The following SPATA16 variants were observed in gnomAD, a reference collection of about 807,000 sequenced individuals.
SPATA16 encodes the protein spermatogenesis associated 16.
In SPATA16, 36 loss-of-function variants were observed where a neutral mutation model predicts 63.3. The ratio of observed to expected loss-of-function variants is 0.57; its 90% CI spans 0.44 to 0.75. SPATA16 has a LOEUF of 0.75. Ranked by LOEUF, SPATA16 falls within the 30% of genes least tolerant of loss-of-function variation. The pLI is 0.00. For synonymous variants in SPATA16, 203 were observed against 216.7 expected (o/e 0.94, Z 0.56); for missense variants, 646 against 679.3 (o/e 0.95, Z 0.54).
At chr3:173,124,815 G>A (rs1351971657) in intron 1 of SPATA16, among the ~76,000 whole-genome samples, 2 of 151,724 alleles carry the variant, frequency 1.3e-5, no homozygotes, top group Non-Finnish European at 2.9e-5. Flanking sequence ...ATCCTGGATT[G>A]GCTGTTCCTT....
At position 172,929,415 on chromosome 3, in the gene SPATA16, T is replaced by C. The variant is rs1051050825; in HGVS notation, c.1082-3923A>G. Among the ~76,000 whole-genome samples, 17 of 152,302 alleles carry C rather than the reference T, an allele frequency of 1.1e-4. No individual in the cohort carries two copies. The East Asian group carries it at 3.3e-3, about 29-fold the overall frequency. The stretch of plus-strand genomic sequence containing the variant: ...ACTTTCACTGAAAGAGGTAAACAGT[T>C]TTCCCTTCTTCAGAAATATTTTATT... On this transcript the variant is annotated intron_variant, in intron 6 of 10. Transcript: ENST00000351008.
chr3:173,082,140 T>C (rs997473034), intron 2 of SPATA16, among the ~76,000 whole-genome samples: 6 of 152,146 alleles, frequency 3.9e-5, no homozygotes, highest in African/African-American at 4.8e-5. Context: ...CATAGCACCT[T>C]GTACCAGGCG....
chr3:172,917,369 C>T (rs1732516906), intron 8 of SPATA16, among the ~76,000 whole-genome samples: 1 of 152,182 alleles, frequency 6.6e-6, no homozygotes, highest in Non-Finnish European at 1.5e-5. Context: ...TGAGTTTCTG[C>T]TGCATTTAGA....
rs980239487 is a variant in SPATA16 at position 173,069,026 on chromosome 3, C to G, written c.613-19932G>C. ...TCGGGAGGCTGAGGCAGGAGAATGG[C>G]GTGAACCCGGGAGGCGGAGCTTGCA... On this transcript the variant is annotated intron_variant, in intron 2 of 10. Coordinates refer to ENST00000351008, the MANE Select transcript of SPATA16 (RefSeq NM_031955.6). 1.9e-4 allele frequency among the ~76,000 whole-genome samples: 28 copies of G among 149,654 alleles called. 1 individual carries two copies. Among genetic ancestry groups the G allele is most frequent in the African/African-American group, 5.2e-4 (21 of 40,376 alleles).
At chr3:173,107,808 C>G (rs940947015) in intron 2 of SPATA16, among the ~76,000 whole-genome samples, 5 of 152,030 alleles carry the variant, frequency 3.3e-5, no homozygotes, top group African/African-American at 1.2e-4. Flanking sequence ...GTTTTTAAGT[C>G]TATTTGGTTT....
intron 2 of SPATA16, among the ~76,000 whole-genome samples, chr3:173,084,260 A>G (rs1430506723): frequency 2.6e-5 from 4 of 152,070 alleles, no homozygotes; most frequent in Non-Finnish European, 4.4e-5. Flanking sequence ...GCATTTCTCT[A>G]ATGATCAGCG....
intron 2 of SPATA16, among the ~76,000 whole-genome samples, chr3:173,090,760 A>G (rs1454542268): frequency 4.6e-5 from 7 of 152,220 alleles, no homozygotes; most frequent in Non-Finnish European, 1.0e-4. Flanking sequence ...TCAAATGGAT[A>G]CATTTAACAT....
rs146929550 is a variant in SPATA16 at position 173,081,046 on chromosome 3, G to A, written c.613-31952C>T. 2.3e-3 allele frequency among the ~76,000 whole-genome samples: 352 copies of A among 152,200 alleles called. 4 individuals carry two copies. Among genetic ancestry groups the A allele is most frequent in the African/African-American group, 7.8e-3 (323 of 41,530 alleles). On this transcript the variant is annotated intron_variant, in intron 2 of 10. Transcript: ENST00000351008. ...CCCAAACTGCTGCTTCATAAAGATG[G>A]CCTGTCTCTCCCTGGGCATTGTTTA...
intron 5 of SPATA16, among the ~76,000 whole-genome samples, chr3:172,965,128 A>G (rs969411391): frequency 9.2e-5 from 14 of 152,244 alleles, no homozygotes; most frequent in African/African-American, 3.4e-4. Flanking sequence ...TGCTAAAACA[A>G]TGCTGGAAAG....
intron 2 of SPATA16, among the ~76,000 whole-genome samples, chr3:173,082,980 A>G (rs1002124245): frequency 1.3e-5 from 2 of 152,124 alleles, no homozygotes; most frequent in Non-Finnish European, 2.9e-5. Context: ...TCAATTAGGT[A>G]TTTATAAATA....
At chr3:172,986,072 G>A (rs570062002) in intron 4 of SPATA16, among the ~76,000 whole-genome samples, 1 of 152,254 alleles carries the variant, frequency 6.6e-6, no homozygotes, top group South Asian at 2.1e-4. Context: ...TGGCTATATT[G>A]GGAACAATCC....
rs1402820606 is a variant in SPATA16, at chr3:172,912,451, G to GT, written c.1587+1209_1587+1210insA. ...CATATTTGCTGACAGTCAGTTTCTGGGTTTTTTTGTACATACAGTGGACTC... is the reference window on the plus strand; with the variant it reads ...CATATTTGCTGACAGTCAGTTTCTGGTGTTTTTTTGTACATACAGTGGACTC... On this transcript the variant is annotated intron_variant, in intron 10 of 10. Coordinates refer to ENST00000351008, the MANE Select transcript of SPATA16 (RefSeq NM_031955.6). 6.6e-5 allele frequency among the ~76,000 whole-genome samples: 10 copies of GT among 151,970 alleles called. No homozygotes were observed. The South Asian group carries it at 1.5e-3, about 22-fold the overall frequency.
intron 6 of SPATA16, among the ~76,000 whole-genome samples, chr3:172,945,125 T>C (rs1412313964): frequency 6.6e-6 from 1 of 152,226 alleles, no homozygotes; most frequent in African/African-American, 2.4e-5. Context: ...GTTTTATTTC[T>C]CAAATAAGAT....
chr3:172,974,126 G>A (rs1258915341), intron 5 of SPATA16, among the ~76,000 whole-genome samples: 1 of 152,062 alleles, frequency 6.6e-6, no homozygotes, highest in Non-Finnish European at 1.5e-5. Flanking sequence ...CAAAGCAAAG[G>A]TCCATTCTTC....
chr3:173,082,645 G>T (rs995629710), intron 2 of SPATA16, among the ~76,000 whole-genome samples: 2 of 152,206 alleles, frequency 1.3e-5, no homozygotes, highest in African/African-American at 4.8e-5. Flanking sequence ...GCCCCCAGAG[G>T]TGGGTCTAAT....
At chr3:173,026,257 C>T (rs950413818) in intron 3 of SPATA16, among the ~76,000 whole-genome samples, 12 of 151,860 alleles carry the variant, frequency 7.9e-5, no homozygotes, top group African/African-American at 2.9e-4. Context: ...TCTTGTTAAT[C>T]TTTTGCCATT....
At chr3:173,004,778 CTA>C (rs1400060717) in intron 4 of SPATA16, among the ~76,000 whole-genome samples, 1 of 152,110 alleles carries the variant, frequency 6.6e-6, no homozygotes, top group Non-Finnish European at 1.5e-5. Context: ...GCTAAGTGCT[CTA>C]TATAAATTGT....
intron 3 of SPATA16, among the ~76,000 whole-genome samples, chr3:173,040,621 T>C (rs1287591688): frequency 3.3e-5 from 5 of 152,298 alleles, no homozygotes; most frequent in African/African-American, 1.2e-4. Flanking sequence ...TACCATAACC[T>C]GCAAGAGAAG....
intron 2 of SPATA16, among the ~76,000 whole-genome samples, chr3:173,075,843 G>A (rs1042341310): frequency 1.1e-4 from 17 of 152,076 alleles, no homozygotes; most frequent in Non-Finnish European, 1.3e-4. Context: ...GAAATAAGAT[G>A]TAGTGTTTGG....
Sources: allele counts gnomAD v4.1 joint callset (sites outside exome capture counted in the v4.1 genomes callset), GRCh38; gene constraint gnomAD v4.1.1; transcripts MANE v1.5; gene names NCBI Gene and HGNC (gene_info 2026-07-23, HGNC 2026-07-21).